Variants in COPG2 observed in about 807,000 individuals in gnomAD.
COPG2 encodes coat protein complex I subunit gamma 2, also known as coatomer subunit gamma-2.
In COPG2, 37 loss-of-function variants were observed where a neutral mutation model predicts 46.3. The ratio of observed to expected loss-of-function variants is 0.80; its 90% CI spans 0.61 to 1.05. The LOEUF is 1.05. Ranked by LOEUF, COPG2 falls within the 50% of genes least tolerant of loss-of-function variation. The probability of loss-of-function intolerance (pLI) is 0.00; values close to 1 mark genes in which losing one functional copy is unlikely to be tolerated. For missense variants in COPG2, 427 were observed against 387.8 expected (o/e 1.10, Z -0.85); for synonymous variants, 159 against 129.7 (o/e 1.23, Z -1.53).
chr7:130,668,725 G>A lies in COPG2; in HGVS notation c.-57C>T. On this transcript the variant is annotated 5_prime_UTR_variant, in exon 1 of 24. Coordinates refer to ENST00000425248, the MANE Select transcript of COPG2 (RefSeq NM_012133.6). The stretch of plus-strand genomic sequence containing the variant: ...GCAACCGTCCCAGGCGCCGCAGCCG[G>A]CGAGCGGAAGAGGCTGCAGGAAGGC... The A allele has an allele frequency of 1.3e-6, 2 of 1,498,464 alleles. No homozygotes were observed. The highest frequency in any genetic ancestry group is 8.9e-7 in the Non-Finnish European group (1 of 1,121,442). The allele number at this position is 1,498,464 out of a possible 1,614,324, so 92.8% of individuals were successfully genotyped here.
intron 5 of COPG2, among the ~76,000 whole-genome samples, chr7:130,628,155 TAC>T (rs1554454579): frequency 6.6e-6 from 1 of 152,182 alleles, no homozygotes; most frequent in East Asian, 1.9e-4. Flanking sequence ...TGCAGGAGAC[TAC>T]AGTTTTATTA....
chr7:130,591,176 G>C (rs1554448806), intron 9 of COPG2, among the ~76,000 whole-genome samples: 1 of 134,812 alleles, frequency 7.4e-6, no homozygotes, highest in Non-Finnish European at 1.6e-5. Context: ...CAGCCGCCCC[G>C]TCCGGGAGGT....
At chr7:130,583,805 CAAAAAAAAAAAA>C (rs1168370976) in intron 9 of COPG2, among the ~76,000 whole-genome samples, 64 of 12,354 alleles carry the variant, frequency 5.2e-3, no homozygotes, top group African/African-American at 0.019. Flanking sequence ...GACTCCATCT[CAAAAAAAAAAAA>C]AAAAAAAAAA....
chr7:130,562,777 T>G (rs1486973759), intron 11 of COPG2, among the ~76,000 whole-genome samples: 4 of 152,200 alleles, frequency 2.6e-5, no homozygotes, highest in Non-Finnish European at 5.9e-5. Context: ...CCTTAAAAAT[T>G]TTAATGTGGT....
chr7:130,630,645 G>A (rs1795210405), intron 5 of COPG2, among the ~76,000 whole-genome samples: 2 of 152,256 alleles, frequency 1.3e-5, no homozygotes, highest in South Asian at 2.1e-4. Flanking sequence ...TTCAAGCACT[G>A]TGAAACTCTG....
At chr7:130,564,866 G>A (rs36158663) in intron 9 of COPG2, among the ~76,000 whole-genome samples, 64,334 of 151,932 alleles carry the variant, frequency 0.42, 16,536 homozygotes, top group East Asian at 0.59. Context: ...CCTATTCACA[G>A]GCTAATCTTT....
chr7:130,648,049 T>C (rs1795654018), intron 5 of COPG2, among the ~76,000 whole-genome samples: 1 of 152,096 alleles, frequency 6.6e-6, no homozygotes, highest in South Asian at 2.1e-4. Flanking sequence ...AAGATTTTAA[T>C]TTGCATTTCC....
At chr7:130,574,785 C>G (rs1554445980) in intron 9 of COPG2, among the ~76,000 whole-genome samples, 1 of 151,806 alleles carries the variant, frequency 6.6e-6, no homozygotes, top group African/African-American at 2.4e-5. Context: ...AAGCCCAATG[C>G]AAGGAAATCC....
At chr7:130,610,235 T>C (rs1014182304) in intron 9 of COPG2, 6 of 418,880 alleles carry the variant, frequency 1.4e-5, no homozygotes, top group African/African-American at 4.2e-5. Context: ...TAATAGTTGA[T>C]CTGGGTCAGG....
chr7:130,513,308 AATATATATATATATATAT>A (rs1197540092), intron 20 of COPG2, among the ~76,000 whole-genome samples: 4 of 55,674 alleles, frequency 7.2e-5, no homozygotes, highest in African/African-American at 9.5e-5. Context: ...AAAAAAAAAA[AATATATATATATATATAT>A]ATATATATAT....
chr7:130,659,685 G>A (rs551005830), intron 4 of COPG2, among the ~76,000 whole-genome samples: 4 of 152,108 alleles, frequency 2.6e-5, no homozygotes, highest in East Asian at 1.9e-4. Flanking sequence ...AGGCCAAGGC[G>A]GGCAGATAAA....
chr7:130,607,311 C>G (rs879981494), intron 9 of COPG2: 1 of 175,036 alleles, frequency 5.7e-6, no homozygotes, highest in Non-Finnish European at 1.2e-5. Flanking sequence ...ATAATAGATG[C>G]TACAAAGTTT....
At chr7:130,610,508 T>C (rs1794824528) in intron 9 of COPG2, 1 of 519,160 alleles carries the variant, frequency 1.9e-6, no homozygotes. Context: ...TTCTCATTCC[T>C]GCCCTTCCCT....
intron 5 of COPG2, among the ~76,000 whole-genome samples, chr7:130,641,568 G>A (rs1795489715): frequency 6.6e-6 from 1 of 152,174 alleles, no homozygotes; most frequent in African/African-American, 2.4e-5. Flanking sequence ...AAGAGGTCAG[G>A]TAAAATGTGG....
At position 130,633,170 on chromosome 7, in the gene COPG2, G is replaced by A. The variant is rs375300924; in HGVS notation, c.324-16105C>T. 5.9e-4 allele frequency among the ~76,000 whole-genome samples: 90 copies of A among 152,270 alleles called. 1 individual carries two copies. In the South Asian group the frequency reaches 8.1e-3, roughly 14 times the overall value. On this transcript the variant is annotated intron_variant, in intron 5 of 23. Transcript: ENST00000425248. ...TGACGGGCATTTGGGCTGGTTCCAA[G>A]TGTTTGCTATTGTGAACAGTGCTGC...
intron 6 of COPG2, among the ~76,000 whole-genome samples, chr7:130,616,257 A>T (rs1195467628): frequency 6.6e-6 from 1 of 152,174 alleles, no homozygotes; most frequent in Non-Finnish European, 1.5e-5. Context: ...TTTATTGTTG[A>T]TTGTGTAGGA....
chr7:130,592,560 A>G (rs1462323885), intron 9 of COPG2, among the ~76,000 whole-genome samples: 1 of 152,206 alleles, frequency 6.6e-6, no homozygotes, highest in Non-Finnish European at 1.5e-5. Flanking sequence ...AAATCTATTC[A>G]TCATAAAAAA....
intron 9 of COPG2, among the ~76,000 whole-genome samples, chr7:130,574,039 A>G (rs1793960601): frequency 6.6e-6 from 1 of 152,230 alleles, no homozygotes; most frequent in Non-Finnish European, 1.5e-5. Flanking sequence ...AAAGCTTTAT[A>G]TATGAATGTT....
chr7:130,510,304 G>A, intron 20 of COPG2: 1 of 495,066 alleles, frequency 2.0e-6, no homozygotes, highest in South Asian at 1.5e-5. Flanking sequence ...TGCCATTAGG[G>A]GTTGAGAAAA....
Sources: allele counts gnomAD v4.1 joint callset (sites outside exome capture counted in the v4.1 genomes callset), GRCh38; gene constraint gnomAD v4.1.1; transcripts MANE v1.5; gene names NCBI Gene and HGNC (gene_info 2026-07-23, HGNC 2026-07-21).